AGO2: variants seen among roughly 807,000 people sequenced by gnomAD.
AGO2 encodes the protein protein argonaute-2.
AGO2 carries 5 observed loss-of-function variants against 102.3 expected under a neutral mutation model. That is an observed-to-expected ratio of 0.05 (90% CI 0.03 to 0.10). The LOEUF (loss-of-function observed/expected upper bound fraction) is 0.10, where lower values mean the gene tolerates loss of function less well. AGO2 is among the 10% of genes least tolerant of loss of function. AGO2 has a pLI of 1.00. For missense variants in AGO2, 541 were observed against 1,183.7 expected (o/e 0.46, Z 7.97); for synonymous variants, 449 against 473.1 (o/e 0.95, Z 0.66).
rs1010420151 is a variant in AGO2, at chr8:140,557,495, G to A, written c.879-259C>T. On this transcript the variant is annotated intron_variant, in intron 7 of 18. Transcript: ENST00000220592. This position sits in a 1 kb window ranked among gnomAD's most constrained non-coding sequence, Gnocchi z 5.9. Reference sequence around the variant, plus strand: ...CATAAATTATCCACAACGTCACAGTGTGTGTAAAGGAGTCAGGACGAATGG... The same window carrying A: ...CATAAATTATCCACAACGTCACAGTATGTGTAAAGGAGTCAGGACGAATGG... Among the ~76,000 whole-genome samples the A allele has an allele frequency of 6.6e-6, 1 of 152,222 alleles. No homozygotes were observed. Among genetic ancestry groups the A allele is most frequent in the Admixed American group, 6.5e-5 (1 of 15,286 alleles).
intron 1 of AGO2, among the ~76,000 whole-genome samples, chr8:140,623,600 C>T (rs981881827): frequency 1.5e-4 from 23 of 152,164 alleles, no homozygotes; most frequent in East Asian, 7.8e-4. Flanking sequence ...CGGAGGGTGC[C>T]GTCTTGCTGC....
intron 2 of AGO2, among the ~76,000 whole-genome samples, chr8:140,576,792 CAG>C (rs1346524488): frequency 6.6e-6 from 1 of 152,198 alleles, no homozygotes; most frequent in Non-Finnish European, 1.5e-5. Flanking sequence ...ATAACAGCTC[CAG>C]ACTGGAAACA....
intron 16 of AGO2, among the ~76,000 whole-genome samples, chr8:140,538,713 A>G (rs2072740679): frequency 1.3e-5 from 2 of 152,192 alleles, no homozygotes; most frequent in Non-Finnish European, 2.9e-5. Context: ...TGTGGTTTCT[A>G]ACTGGGACTT....
chr8:140,603,330 T>C (rs985366632), intron 1 of AGO2, among the ~76,000 whole-genome samples: 9 of 152,160 alleles, frequency 5.9e-5, no homozygotes, highest in Non-Finnish European at 1.2e-4. Context: ...ATGATAAGTG[T>C]GCAAGGGAGG....
chr8:140,593,796 G>A (rs1017929129), intron 1 of AGO2, among the ~76,000 whole-genome samples: 2 of 152,024 alleles, frequency 1.3e-5, no homozygotes, highest in Admixed American at 6.6e-5. Flanking sequence ...GATGTGGTCC[G>A]AGGTGTCTGA....
At chr8:140,578,427 T>G (rs1031374624) in intron 2 of AGO2, among the ~76,000 whole-genome samples, 135 of 152,342 alleles carry the variant, frequency 8.9e-4, no homozygotes, top group African/African-American at 3.1e-3. Context: ...AAAGTGAAAC[T>G]GTACCTGTGA....
intron 1 of AGO2, among the ~76,000 whole-genome samples, chr8:140,598,542 A>T (rs1015964800): frequency 1.3e-5 from 2 of 152,124 alleles, no homozygotes; most frequent in African/African-American, 4.8e-5. Flanking sequence ...GTGCCGTAGG[A>T]TCACCGGTCC....
chr8:140,565,088 C>T (rs1461245559), intron 3 of AGO2, among the ~76,000 whole-genome samples: 2 of 150,388 alleles, frequency 1.3e-5, no homozygotes, highest in African/African-American at 2.5e-5. Flanking sequence ...GAGCCGAGAT[C>T]GCACCATACT....
intron 1 of AGO2, among the ~76,000 whole-genome samples, chr8:140,591,329 G>A (rs1267624508): frequency 6.6e-6 from 1 of 152,182 alleles, no homozygotes; most frequent in East Asian, 1.9e-4. Flanking sequence ...CCAAAGGCAG[G>A]GGCTGTAGAA....
chr8:140,588,197 A>G (rs926757559), intron 1 of AGO2, among the ~76,000 whole-genome samples: 3 of 152,186 alleles, frequency 2.0e-5, no homozygotes, highest in Admixed American at 6.5e-5. Context: ...AGTTGCTTCC[A>G]TAAGTGTTAG....
chr8:140,608,034 G>T (rs2074027081), intron 1 of AGO2, among the ~76,000 whole-genome samples: 1 of 152,120 alleles, frequency 6.6e-6, no homozygotes. Flanking sequence ...TTCCCCTGTG[G>T]CCTTTGGTGA....
At chr8:140,620,613 C>A (rs1316459370) in intron 1 of AGO2, among the ~76,000 whole-genome samples, 1 of 152,120 alleles carries the variant, frequency 6.6e-6, no homozygotes, top group Admixed American at 6.5e-5. Flanking sequence ...GCCTGTAATC[C>A]CAGCACTTTA....
At chr8:140,618,851 G>A (rs2074177896) in intron 1 of AGO2, among the ~76,000 whole-genome samples, 1 of 151,668 alleles carries the variant, frequency 6.6e-6, no homozygotes, top group African/African-American at 2.4e-5. Flanking sequence ...CATATTTCTT[G>A]TGAGTAATAT....
rs988851020 is a variant in AGO2, at chr8:140,567,564, G to A, written c.337-4930C>T. ...GCCCCGCCCACCTCACAGGGCACTG[G>A]TGCCAATTGTGTTGCAGCGCTACAA... On this transcript the variant is annotated intron_variant, in intron 3 of 18. Transcript: ENST00000220592. This position sits in a 1 kb window ranked among gnomAD's most constrained non-coding sequence, Gnocchi z 5.0. 6.6e-6 allele frequency among the ~76,000 whole-genome samples: 1 copy of A among 152,236 alleles called. No homozygotes were observed. Among genetic ancestry groups the A allele is most frequent in the Non-Finnish European group, 1.5e-5 (1 of 68,046 alleles).
the AGO2 span, among the ~76,000 whole-genome samples, chr8:140,641,933 T>C: frequency 6.6e-6 from 1 of 151,992 alleles, no homozygotes; most frequent in Admixed American, 6.6e-5. Flanking sequence ...TCTCAGCTAA[T>C]TGGGAGGCTG....
At chr8:140,611,330 G>GTTTTTTTTT (rs57728629) in intron 1 of AGO2, among the ~76,000 whole-genome samples, 1 of 147,848 alleles carries the variant, frequency 6.8e-6, no homozygotes. Context: ...TTAAGCCTTT[G>GTTTTTTTTT]TTTTTTTTTT....
At chr8:140,629,437 A>G (rs2152110827) in intron 1 of AGO2, among the ~76,000 whole-genome samples, 1 of 152,280 alleles carries the variant, frequency 6.6e-6, no homozygotes, top group Non-Finnish European at 1.5e-5. Context: ...CATCCAGGCC[A>G]AAGTCCCCAC....
chr8:140,586,051 T>C (rs1019182244), intron 1 of AGO2, among the ~76,000 whole-genome samples: 2 of 152,266 alleles, frequency 1.3e-5, no homozygotes, highest in Non-Finnish European at 2.9e-5. Context: ...TTACACCATT[T>C]GGAAATGGTT....
At chr8:140,563,930 A>G (rs567078509) in intron 3 of AGO2, among the ~76,000 whole-genome samples, 1 of 152,308 alleles carries the variant, frequency 6.6e-6, no homozygotes, top group East Asian at 1.9e-4. Flanking sequence ...CGGAGCTACG[A>G]CCAGACTCTG....
Sources: allele counts gnomAD v4.1 joint callset (sites outside exome capture counted in the v4.1 genomes callset), GRCh38; gene constraint gnomAD v4.1.1; non-coding constraint Gnocchi (gnomAD v3.1); transcripts MANE v1.5; gene names NCBI Gene and HGNC (gene_info 2026-07-23, HGNC 2026-07-21).